The following GOLIM4 variants were observed in gnomAD, a reference collection of about 807,000 sequenced individuals.
GOLIM4 encodes 130 kDa golgi-localized phosphoprotein.
In GOLIM4, 71 loss-of-function variants were observed where a neutral mutation model predicts 107.4. That is an observed-to-expected ratio of 0.66 (90% confidence interval 0.55 to 0.81). GOLIM4 has a LOEUF of 0.81. GOLIM4 is among the 30% of genes least tolerant of loss of function. The pLI is 0.00. For synonymous variants in GOLIM4, 327 were observed against 294.8 expected, an observed-to-expected ratio of 1.11 and a Z score of -1.12; for missense variants, 830 against 826.1, an observed-to-expected ratio of 1.00 and a Z score of -0.06.
chr3:168,061,480 G>A (rs771310677), intron 1 of GOLIM4, among the ~76,000 whole-genome samples: 5 of 152,126 alleles, frequency 3.3e-5, no homozygotes, highest in Non-Finnish European at 5.9e-5. Flanking sequence ...ACCCAACCCA[G>A]TACTTGACAT....
chr3:168,012,557 C>T lies in GOLIM4; in HGVS notation c.1861-1734G>A, dbSNP rs1158615590. Among the ~76,000 whole-genome samples the T allele has an allele frequency of 6.0e-5, 8 of 132,782 alleles. No individual in the cohort carries two copies. The South Asian group carries it at 1.5e-3, about 25-fold the overall frequency. The allele number at this position is 132,782 out of a possible 152,430, so 87.1% of individuals were successfully genotyped here. On this transcript the variant is annotated intron_variant, in intron 14 of 15. Transcript: ENST00000470487. ...CAGAGAACGCCACAAAGATACTCCT[C>T]GAGAAGACCAACTCCAAGACACATA...
At chr3:168,058,535 G>A (rs1023605773) in intron 1 of GOLIM4, among the ~76,000 whole-genome samples, 5 of 152,084 alleles carry the variant, frequency 3.3e-5, no homozygotes, top group Admixed American at 6.5e-5. Context: ...TAGGCACCTC[G>A]GGAAACACCA....
intron 1 of GOLIM4, among the ~76,000 whole-genome samples, chr3:168,072,217 G>A (rs142641754): frequency 1.3e-5 from 2 of 152,146 alleles, no homozygotes; most frequent in African/African-American, 4.8e-5. Flanking sequence ...CATTACGGAT[G>A]CTGTTCACCA....
intron 1 of GOLIM4, among the ~76,000 whole-genome samples, chr3:168,092,720 GT>G (rs1378304573): frequency 6.6e-6 from 1 of 152,152 alleles, no homozygotes; most frequent in Non-Finnish European, 1.5e-5. Context: ...GTGCTGTTGA[GT>G]AAAATGTCAT....
At chr3:168,041,701 C>T (rs1161804832) in intron 5 of GOLIM4, among the ~76,000 whole-genome samples, 1 of 152,092 alleles carries the variant, frequency 6.6e-6, no homozygotes, top group Non-Finnish European at 1.5e-5. Flanking sequence ...TTTTAAACAA[C>T]TTTTGCATGA....
At chr3:168,071,520 C>T (rs1720828416) in intron 1 of GOLIM4, among the ~76,000 whole-genome samples, 1 of 151,752 alleles carries the variant, frequency 6.6e-6, no homozygotes. Flanking sequence ...TAGGTGGAAA[C>T]TGTCCCCCAC....
intron 1 of GOLIM4, among the ~76,000 whole-genome samples, chr3:168,092,311 A>G (rs973026348): frequency 1.3e-5 from 2 of 152,220 alleles, no homozygotes; most frequent in Non-Finnish European, 2.9e-5. Flanking sequence ...AGGGATAGAT[A>G]AACAGGCAGA....
rs1419484243 is a variant in GOLIM4, at chr3:168,015,572, C to T, written c.1861-4749G>A. 5.3e-3 allele frequency among the ~76,000 whole-genome samples: 730 copies of T among 136,558 alleles called. 23 individuals are homozygous for T. The highest frequency in any genetic ancestry group is 0.035 in the South Asian group (167 of 4,728). 89.6% of individuals were successfully genotyped at this position (136,558 alleles called of 152,430 possible). A position where few individuals can be genotyped will look rare whatever the true frequency, so the allele number is the denominator to read the frequency against. ...GTTCATATGGAACCAAAAAAGAGCC[C>T]GCATCGCCAAGTCAATCCTAAGCCA... On this transcript the variant is annotated intron_variant, in intron 14 of 15. Coordinates refer to ENST00000470487, the MANE Select transcript of GOLIM4 (RefSeq NM_014498.5).
intron 6 of GOLIM4, 101 bp downstream of exon 6, chr3:168,041,291 T>C: frequency 1.4e-6 from 1 of 702,488 alleles, no homozygotes; most frequent in Admixed American, 2.2e-5. Flanking sequence ...AATAACAACG[T>C]GGATTTGTAA....
intron 14 of GOLIM4, among the ~76,000 whole-genome samples, chr3:168,015,861 A>C (rs796624564): frequency 0.1 from 13,393 of 128,968 alleles, 2,881 homozygotes; most frequent in African/African-American, 0.33. Flanking sequence ...AAACTGGATC[A>C]CTTCCTTACA....
intron 1 of GOLIM4, among the ~76,000 whole-genome samples, chr3:168,083,546 T>C (rs1231140942): frequency 1.3e-5 from 2 of 152,210 alleles, no homozygotes; most frequent in East Asian, 3.8e-4. Flanking sequence ...CCTGTGAAGC[T>C]ATAATTTTAA....
chr3:168,035,880 A>G (rs1718624902), intron 8 of GOLIM4, among the ~76,000 whole-genome samples: 1 of 151,794 alleles, frequency 6.6e-6, no homozygotes, highest in Non-Finnish European at 1.5e-5. Flanking sequence ...TGTAGAAATT[A>G]GTGGTAATGG....
Position 168,046,824 on chromosome 3 carries a change from G to T in GOLIM4, c.312+126C>A, listed in dbSNP as rs73878620. ...TGGCAGCCAAAAAAAAAAAAAGGGG[G>T]TGTCAGTCCTATAATCCCAGGGATC... On this transcript the variant is annotated intron_variant, in intron 3 of 15. Transcript: ENST00000470487. The T allele has an allele frequency of 1.6e-3, 736 of 464,086 alleles. 4 individuals carry two copies. Among genetic ancestry groups the T allele is most frequent in the African/African-American group, 0.014 (690 of 48,244 alleles). The allele number at this position is 464,086 out of a possible 1,614,324, so 28.7% of individuals were successfully genotyped here.
At chr3:168,064,793 G>T (rs527596547) in intron 1 of GOLIM4, among the ~76,000 whole-genome samples, 37 of 151,944 alleles carry the variant, frequency 2.4e-4, no homozygotes, top group South Asian at 1.0e-3. Flanking sequence ...TCTGTGGAAA[G>T]GTGCATGACT....
At chr3:168,046,098 C>G (rs1719288416) in intron 3 of GOLIM4, among the ~76,000 whole-genome samples, 1 of 152,174 alleles carries the variant, frequency 6.6e-6, no homozygotes. Context: ...GTCTCAAACT[C>G]CTGGCCTCAG....
chr3:168,024,118 A>G (rs993668051), intron 14 of GOLIM4, among the ~76,000 whole-genome samples: 1 of 152,210 alleles, frequency 6.6e-6, no homozygotes, highest in African/African-American at 2.4e-5. Flanking sequence ...TCCGATAGAC[A>G]CTATGGGGTA....
At chr3:168,093,699 G>C (rs1722018608) in intron 1 of GOLIM4, among the ~76,000 whole-genome samples, 1 of 152,146 alleles carries the variant, frequency 6.6e-6, no homozygotes, top group African/African-American at 2.4e-5. Flanking sequence ...AGAAAATTTT[G>C]TGAACCTAAG....
intron 1 of GOLIM4, among the ~76,000 whole-genome samples, chr3:168,075,906 T>C (rs1721063164): frequency 6.6e-6 from 1 of 152,066 alleles, no homozygotes; most frequent in African/African-American, 2.4e-5. Flanking sequence ...TAAAGGCCAA[T>C]ATAATAAGTG....
chr3:168,025,890 T>C (rs1246233723), intron 12 of GOLIM4, among the ~76,000 whole-genome samples: 1 of 152,176 alleles, frequency 6.6e-6, no homozygotes, highest in Admixed American at 6.6e-5. Flanking sequence ...TTCCAAATAA[T>C]ACACATCCTA....
Sources: allele counts gnomAD v4.1 joint callset (sites outside exome capture counted in the v4.1 genomes callset), GRCh38; gene constraint gnomAD v4.1.1; transcripts MANE v1.5; gene names NCBI Gene and HGNC (gene_info 2026-07-23, HGNC 2026-07-21).